Variants in EXOC6 observed in about 807,000 individuals in gnomAD.
The protein encoded by EXOC6 is exocyst complex component 6.
Under a neutral mutation model 112.5 loss-of-function variants are expected in EXOC6, and 60 were observed. That is an observed-to-expected ratio of 0.53 (90% CI 0.43 to 0.66). The LOEUF (loss-of-function observed/expected upper bound fraction) is 0.66. Among genes scored for constraint, EXOC6 ranks in the 30% least tolerant of loss-of-function variants. The pLI is 0.00. For missense variants in EXOC6, 855 were observed against 957.1 expected, an observed-to-expected ratio of 0.89 and a Z score of 1.41; for synonymous variants, 295 against 308.0, an observed-to-expected ratio of 0.96 and a Z score of 0.44.
chr10:92,903,127 T>G (rs1850262673), intron 5 of EXOC6, among the ~76,000 whole-genome samples: 1 of 152,082 alleles, frequency 6.6e-6, no homozygotes, highest in Non-Finnish European at 1.5e-5. Flanking sequence ...ACTTTTCTAT[T>G]TAAAATATGA....
rs765770333 is a variant in EXOC6 at position 92,955,752 on chromosome 10, A to G, written c.1773+38A>G. 3 of 1,576,736 alleles carry G rather than the reference A, an allele frequency of 1.9e-6. No homozygotes were observed. The African/African-American group carries it at 4.1e-5, about 22-fold the overall frequency. On this transcript the variant is annotated intron_variant, in intron 17 of 21. Transcript: ENST00000260762. ...TTGACCAAAAGTTTTCATTTCAGTC[A>G]CTGTAAGCAGACGTTAAGAAATTAA...
chr10:92,837,352 GAGA>G (rs1388549148), intron 1 of EXOC6, among the ~76,000 whole-genome samples: 1 of 152,182 alleles, frequency 6.6e-6, no homozygotes, highest in African/African-American at 2.4e-5. Context: ...CAGCAAAGAA[GAGA>G]AGGAGGAGGA....
intron 17 of EXOC6, among the ~76,000 whole-genome samples, chr10:92,967,080 A>G (rs1842099981): frequency 6.6e-6 from 1 of 151,574 alleles, no homozygotes; most frequent in African/African-American, 2.4e-5. Flanking sequence ...GGCTGCATAA[A>G]TGTCTTCTTT....
chr10:92,983,593 C>T (rs1842903101), intron 18 of EXOC6, among the ~76,000 whole-genome samples: 1 of 150,244 alleles, frequency 6.7e-6, no homozygotes, highest in East Asian at 2.0e-4. Flanking sequence ...CAACCTCCTC[C>T]TTCCGGGTTC....
chr10:93,032,438 A>C (rs1283689608), intron 20 of EXOC6, among the ~76,000 whole-genome samples: 1 of 152,182 alleles, frequency 6.6e-6, no homozygotes, highest in African/African-American at 2.4e-5. Flanking sequence ...TAGGAGGTTC[A>C]AGCAGAATTT....
chr10:92,826,859 C>G (rs549385916), exon 1 of EXOC6, among the ~76,000 whole-genome samples: 5 of 152,214 alleles, frequency 3.3e-5, no homozygotes, highest in Non-Finnish European at 5.9e-5. Flanking sequence ...GAGGGGAGAG[C>G]AGGAGCATAA....
upstream of EXOC6, chr10:92,834,594 G>A (rs1846601993): frequency 1.7e-6 from 1 of 596,384 alleles, no homozygotes. Flanking sequence ...GTCAGACAGT[G>A]AGCTTGTTTT....
At chr10:92,887,652 G>A (rs1174458573) in intron 1 of EXOC6, among the ~76,000 whole-genome samples, 6 of 152,100 alleles carry the variant, frequency 3.9e-5, no homozygotes, top group Middle Eastern at 3.4e-3. Flanking sequence ...TGATCTGCCC[G>A]CCTCAGCCTC....
chr10:92,866,266 G>A (rs1326625240), intron 1 of EXOC6, among the ~76,000 whole-genome samples: 1 of 152,106 alleles, frequency 6.6e-6, no homozygotes, highest in African/African-American at 2.4e-5. Flanking sequence ...AGAACTGTCT[G>A]TTGTACACAA....
intron 1 of EXOC6, among the ~76,000 whole-genome samples, chr10:92,880,484 T>G (rs1848904417): frequency 6.6e-6 from 1 of 152,212 alleles, no homozygotes; most frequent in Non-Finnish European, 1.5e-5. Flanking sequence ...GTGAGCCTGT[T>G]CTTTTTATTA....
chr10:92,915,986 T>C (rs1041310110), intron 7 of EXOC6, 73 bp downstream of exon 7: 1 of 1,062,368 alleles, frequency 9.4e-7, no homozygotes, highest in African/African-American at 1.7e-5. Flanking sequence ...TACATCTGTG[T>C]GATTTAGTCT....
intron 18 of EXOC6, among the ~76,000 whole-genome samples, chr10:92,984,981 A>G (rs1349320044): frequency 1.3e-5 from 2 of 151,998 alleles, no homozygotes; most frequent in Non-Finnish European, 2.9e-5. Context: ...CCTGGGCAAC[A>G]GAGCAAGACC....
In EXOC6 at chr10:92,967,733, G is replaced by A. The variant is rs375583307; in HGVS notation, c.1774-6320G>A. ...TCTGAGTGCAGATAGGAAATGCAGC[G>A]AAAGATAGGAGCAATCAGACTCTCA... On this transcript the variant is annotated intron_variant, in intron 17 of 21. Coordinates refer to ENST00000260762, the MANE Select transcript of EXOC6 (RefSeq NM_019053.6). 6.7e-4 allele frequency among the ~76,000 whole-genome samples: 102 copies of A among 152,262 alleles called. 4 individuals carry two copies. The South Asian group carries it at 0.011, about 17-fold the overall frequency.
intron 1 of EXOC6, among the ~76,000 whole-genome samples, chr10:92,850,963 AC>A (rs1212202684): frequency 6.6e-6 from 1 of 152,230 alleles, no homozygotes; most frequent in Non-Finnish European, 1.5e-5. Flanking sequence ...GTTAAAAAAA[AC>A]AAAAAAACAA....
At chr10:92,989,196 T>G (rs1843131798) in intron 18 of EXOC6, among the ~76,000 whole-genome samples, 1 of 152,210 alleles carries the variant, frequency 6.6e-6, no homozygotes, top group African/African-American at 2.4e-5. Flanking sequence ...AGTTGCTTGA[T>G]AAGTGTTTTG....
intron 13 of EXOC6, among the ~76,000 whole-genome samples, chr10:92,942,028 T>G (rs1331001860): frequency 2.0e-5 from 3 of 152,174 alleles, no homozygotes; most frequent in African/African-American, 7.2e-5. Context: ...GTTAGATGAT[T>G]TAATACCAGC....
chr10:92,961,879 C>A (rs941027627), intron 17 of EXOC6, among the ~76,000 whole-genome samples: 2 of 151,982 alleles, frequency 1.3e-5, no homozygotes, highest in African/African-American at 4.8e-5. Context: ...GTGGCAGATG[C>A]TACCACAAAG....
intron 19 of EXOC6, among the ~76,000 whole-genome samples, chr10:93,009,675 A>G (rs754675581): frequency 2.0e-5 from 3 of 152,178 alleles, no homozygotes; most frequent in Admixed American, 1.3e-4. Flanking sequence ...GTTTACCCAG[A>G]TGGAAAATAA....
At chr10:93,037,027 T>G (rs1273879143) in intron 20 of EXOC6, among the ~76,000 whole-genome samples, 1 of 152,214 alleles carries the variant, frequency 6.6e-6, no homozygotes, top group Non-Finnish European at 1.5e-5. Context: ...CTTTGATAAA[T>G]ATCATATATG....
Sources: allele counts gnomAD v4.1 joint callset (sites outside exome capture counted in the v4.1 genomes callset), GRCh38; gene constraint gnomAD v4.1.1; transcripts MANE v1.5; gene names NCBI Gene and HGNC (gene_info 2026-07-23, HGNC 2026-07-21).